LRP1B: variants seen among roughly 807,000 people sequenced by gnomAD.
LRP1B encodes low-density lipoprotein receptor-related protein 1B.
In LRP1B, 217 loss-of-function variants were observed where a neutral mutation model predicts 556.6. The ratio of observed to expected loss-of-function variants is 0.39; its 90% confidence interval spans 0.35 to 0.44. The LOEUF is 0.44. Among genes scored for constraint, LRP1B ranks in the 20% least tolerant of loss-of-function variants. The pLI, the probability that LRP1B is intolerant of heterozygous loss-of-function variation, is 1.00. For missense variants in LRP1B, 5,053 were observed against 5,620.8 expected (o/e 0.90, Z 3.23); for synonymous variants, 2,047 against 1,865.8 (o/e 1.10, Z -2.50).
chr2:141,093,083 T>C (rs532076117), intron 7 of LRP1B, among the ~76,000 whole-genome samples: 1 of 151,570 alleles, frequency 6.6e-6, no homozygotes, highest in East Asian at 1.9e-4. Flanking sequence ...GGGGAAATTA[T>C]GGCACGATAG....
intron 41 of LRP1B, among the ~76,000 whole-genome samples, chr2:140,695,286 T>C (rs1408605569): frequency 1.3e-5 from 2 of 152,100 alleles, no homozygotes; most frequent in Non-Finnish European, 2.9e-5. Flanking sequence ...ACAGAGCATA[T>C]GAGAGCTTGT....
chr2:142,043,105 A>G (rs1201870547), intron 1 of LRP1B, among the ~76,000 whole-genome samples: 1 of 151,576 alleles, frequency 6.6e-6, no homozygotes, highest in Non-Finnish European at 1.5e-5. Context: ...GTCAAAAACT[A>G]TATCTTGAAT....
chr2:141,835,128 C>T (rs1366295484), intron 1 of LRP1B, among the ~76,000 whole-genome samples: 2 of 151,964 alleles, frequency 1.3e-5, no homozygotes. Context: ...GCAATGTACA[C>T]ATTAAGTGGG....
intron 15 of LRP1B, among the ~76,000 whole-genome samples, chr2:140,996,969 T>C (rs80258656): frequency 0.032 from 4,938 of 152,020 alleles, 172 homozygotes; most frequent in African/African-American, 0.087. Flanking sequence ...TTTTAGTATA[T>C]TAACAAGTGA....
At chr2:140,922,886 G>C (rs1169604429) in intron 21 of LRP1B, 79 bp downstream of exon 21, 1 of 1,210,284 alleles carries the variant, frequency 8.3e-7, no homozygotes, top group African/African-American at 1.5e-5. Flanking sequence ...TTACAAAGGT[G>C]AGATACAGAT....
chr2:141,675,469 G>T lies in LRP1B; in HGVS notation c.205+134810C>A, dbSNP rs991036482. 2.6e-5 allele frequency among the ~76,000 whole-genome samples: 4 copies of T among 151,826 alleles called. No individual in the cohort carries two copies. In the South Asian group the frequency reaches 8.3e-4, roughly 31 times the overall value. ...CATGTTCATAGTCCAGAGGCATCAG[G>T]TTTTAATTTTAATAATCTTGATCAC... On this transcript the variant is annotated intron_variant, in intron 2 of 90. Coordinates refer to ENST00000389484, the MANE Select transcript of LRP1B (RefSeq NM_018557.3).
intron 2 of LRP1B, among the ~76,000 whole-genome samples, chr2:141,561,123 A>G (rs1686134306): frequency 6.6e-6 from 1 of 151,776 alleles, no homozygotes; most frequent in Non-Finnish European, 1.5e-5. Flanking sequence ...ATTTTAAAAT[A>G]TTCCTAACAC....
intron 77 of LRP1B, among the ~76,000 whole-genome samples, chr2:140,343,671 C>A (rs1273428038): frequency 6.6e-6 from 1 of 151,520 alleles, no homozygotes; most frequent in Admixed American, 6.6e-5. Flanking sequence ...ATTGAAAAAA[C>A]CCTAGTGACA....
chr2:140,621,719 G>T (rs889078995), intron 41 of LRP1B, among the ~76,000 whole-genome samples: 1 of 152,146 alleles, frequency 6.6e-6, no homozygotes, highest in Non-Finnish European at 1.5e-5. Flanking sequence ...CTACACAACA[G>T]AAAGCAACAG....
chr2:141,106,869 C>T (rs1424034889), intron 7 of LRP1B, among the ~76,000 whole-genome samples: 1 of 152,072 alleles, frequency 6.6e-6, no homozygotes, highest in South Asian at 2.1e-4. Flanking sequence ...AGGGCTCTGA[C>T]AAGTTGCTCA....
intron 41 of LRP1B, among the ~76,000 whole-genome samples, chr2:140,672,581 CTG>C (rs1446380943): frequency 3.3e-5 from 5 of 151,084 alleles, no homozygotes; most frequent in Non-Finnish European, 5.9e-5. Context: ...GAAAAATTCT[CTG>C]TGGCTCAAAT....
intron 41 of LRP1B, among the ~76,000 whole-genome samples, chr2:140,619,751 G>T (rs1574150982): frequency 6.6e-6 from 1 of 151,960 alleles, no homozygotes; most frequent in African/African-American, 2.4e-5. Context: ...GCAATGCAGA[G>T]GTGTACAATA....
intron 2 of LRP1B, among the ~76,000 whole-genome samples, chr2:141,664,058 A>G (rs1690329775): frequency 6.6e-6 from 1 of 152,042 alleles, no homozygotes; most frequent in African/African-American, 2.4e-5. Context: ...TCAAGTCAGC[A>G]TCAAGGGATG....
At chr2:140,485,211 A>C (rs1039790618) in intron 59 of LRP1B, 132 bp downstream of exon 59, 1 of 536,086 alleles carries the variant, frequency 1.9e-6, no homozygotes, top group African/African-American at 2.0e-5. Flanking sequence ...GTTTTTTTCT[A>C]TTTCTAAGTG....
intron 7 of LRP1B, chr2:141,167,327 G>A (rs1190862914): frequency 1.3e-5 from 2 of 151,762 alleles, no homozygotes; most frequent in Non-Finnish European, 2.9e-5. Flanking sequence ...TATCATTCCA[G>A]TTTTAGTATA....
At chr2:140,402,147 C>T (rs772675158) in intron 66 of LRP1B, among the ~76,000 whole-genome samples, 1 of 152,168 alleles carries the variant, frequency 6.6e-6, no homozygotes, top group Non-Finnish European at 1.5e-5. Flanking sequence ...CTCTCAGAAA[C>T]TCCTACTCCC....
chr2:140,448,399 T>C (rs142957854), intron 63 of LRP1B, among the ~76,000 whole-genome samples: 453 of 152,234 alleles, frequency 3.0e-3, no homozygotes, highest in Non-Finnish European at 5.4e-3. Context: ...GTGTGGTATA[T>C]ATACATGAGG....
chr2:140,393,750 T>G (rs16843900), intron 66 of LRP1B, among the ~76,000 whole-genome samples: 20,064 of 152,118 alleles, frequency 0.13, 1,388 homozygotes, highest in African/African-American at 0.18. Context: ...GCAGCTCCTT[T>G]TTCCTTTGAT....
At chr2:141,030,560 A>C (rs1698339334) in intron 11 of LRP1B, among the ~76,000 whole-genome samples, 1 of 152,122 alleles carries the variant, frequency 6.6e-6, no homozygotes. Flanking sequence ...TTTATAACAA[A>C]GATAAAAGTG....
Sources: gnomAD v4.1 joint callset for allele counts (sites outside exome capture counted in the v4.1 genomes callset) on GRCh38, gnomAD v4.1.1 for gene constraint, MANE v1.5 for transcripts, NCBI Gene and HGNC (gene_info 2026-07-23, HGNC 2026-07-21) for gene names.